Variants in DGKB observed in about 807,000 individuals in gnomAD.
DGKB encodes the protein diacylglycerol kinase beta.
Under a neutral mutation model 114.3 loss-of-function variants are expected in DGKB, and 67 were observed. That is an observed-to-expected ratio of 0.59 (90% CI 0.48 to 0.72). The LOEUF (loss-of-function observed/expected upper bound fraction) is 0.72. Ranked by LOEUF, DGKB falls within the 30% of genes least tolerant of loss-of-function variation. The pLI, the probability that DGKB is intolerant of heterozygous loss-of-function variation, is 0.00. For missense variants in DGKB, 907 were observed against 975.2 expected, an observed-to-expected ratio of 0.93 and a Z score of 0.93; for synonymous variants, 398 against 323.1, an observed-to-expected ratio of 1.23 and a Z score of -2.49.
intron 2 of DGKB, among the ~76,000 whole-genome samples, chr7:14,768,182 C>G (rs1441076880): frequency 6.6e-6 from 1 of 151,948 alleles, no homozygotes; most frequent in Non-Finnish European, 1.5e-5. Context: ...GAACAAAACT[C>G]AGGAATGTGT....
At chr7:14,291,898 A>G (rs1167464228) in intron 23 of DGKB, among the ~76,000 whole-genome samples, 3 of 152,180 alleles carry the variant, frequency 2.0e-5, no homozygotes, top group Non-Finnish European at 4.4e-5. Flanking sequence ...AAACATTGGC[A>G]TAGAGAAGCA....
At chr7:14,794,269 T>C (rs1409776628) in intron 2 of DGKB, among the ~76,000 whole-genome samples, 1 of 152,152 alleles carries the variant, frequency 6.6e-6, no homozygotes, top group Non-Finnish European at 1.5e-5. Context: ...TGATTCTGTA[T>C]TTGATAATAT....
At chr7:14,449,135 A>G (rs1374329748) in intron 21 of DGKB, among the ~76,000 whole-genome samples, 1 of 152,092 alleles carries the variant, frequency 6.6e-6, no homozygotes, top group Non-Finnish European at 1.5e-5. Context: ...CTTAATAATC[A>G]CATATTTTAA....
chr7:14,510,328 G>A lies in DGKB; in HGVS notation c.1771-32103C>T, dbSNP rs79064780. Among the ~76,000 whole-genome samples, 438 of 152,206 alleles carry A rather than the reference G, an allele frequency of 2.9e-3. 2 individuals carry two copies. The highest frequency in any genetic ancestry group is 7.8e-3 in the African/African-American group (322 of 41,520). On this transcript the variant is annotated intron_variant, in intron 20 of 25. Coordinates refer to ENST00000402815, the MANE Select transcript of DGKB (RefSeq NM_001350709.2). ...CTGCTGCTTTACCAACTAAGTTTTC[G>A]TAATAGTCTACATCCTTTGTTGGCA... is the stretch of plus-strand genomic sequence containing the variant.
At chr7:14,169,364 C>CAAAAAAAAAAAA (rs35418998) in intron 25 of DGKB, among the ~76,000 whole-genome samples, 4 of 65,288 alleles carry the variant, frequency 6.1e-5, no homozygotes, top group Non-Finnish European at 1.3e-4. Flanking sequence ...GACTCCGTCT[C>CAAAAAAAAAAAA]AAAAAAAAAA....
At chr7:14,160,016 ATTATAT>A (rs755940778) in intron 25 of DGKB, among the ~76,000 whole-genome samples, 6 of 152,140 alleles carry the variant, frequency 3.9e-5, no homozygotes, top group Non-Finnish European at 8.8e-5. Context: ...AGAGTTGTAA[ATTATAT>A]TTATGGATTT....
At chr7:14,659,339 C>A (rs1399362070) in intron 13 of DGKB, among the ~76,000 whole-genome samples, 1 of 151,980 alleles carries the variant, frequency 6.6e-6, no homozygotes, top group African/African-American at 2.4e-5. Context: ...GCAATTTTCA[C>A]GATATTGATT....
Position 14,659,425 on chromosome 7 carries a change from T to C in DGKB, c.1134+13504A>G, listed in dbSNP as rs529116694. 1.3e-3 allele frequency among the ~76,000 whole-genome samples: 204 copies of C among 151,998 alleles called. 1 individual carries two copies. The highest frequency in any genetic ancestry group is 2.2e-3 in the Non-Finnish European group (147 of 67,982). ...TATTTCCTTGAGCAGTAGTTTGTAG[T>C]TCTCCTTGAAGAGGTCCTTCACATC... On this transcript the variant is annotated intron_variant, in intron 13 of 25. Coordinates refer to ENST00000402815, the MANE Select transcript of DGKB (RefSeq NM_001350709.2).
Position 14,943,021 on chromosome 7 carries a change from T to C in DGKB, c.-188+31675A>G, listed in dbSNP as rs188843236. On this transcript the variant is annotated intron_variant, in intron 1 of 4. Transcript: ENST00000437998. ...TCTATTTCATACATACGTAGAATAA[T>C]TAAATGACCATGTTGTAATTGCTCA... 2.0e-5 allele frequency among the ~76,000 whole-genome samples: 3 copies of C among 152,098 alleles called. No individual in the cohort carries two copies. In the East Asian group the frequency reaches 5.8e-4, roughly 29 times the overall value.
intron 23 of DGKB, among the ~76,000 whole-genome samples, chr7:14,182,146 A>AAGAT (rs1173648271): frequency 6.6e-6 from 1 of 152,172 alleles, no homozygotes; most frequent in Admixed American, 6.5e-5. Context: ...ACTTTAAGAA[A>AAGAT]AGATAATACG....
chr7:14,658,229 A>T (rs1816259825), intron 13 of DGKB, among the ~76,000 whole-genome samples: 1 of 151,896 alleles, frequency 6.6e-6, no homozygotes, highest in African/African-American at 2.4e-5. Flanking sequence ...CAGTGAAGAA[A>T]AAAGAGATGC....
chr7:14,459,391 T>G (rs1311103125), intron 21 of DGKB, among the ~76,000 whole-genome samples: 2 of 152,052 alleles, frequency 1.3e-5, no homozygotes, highest in African/African-American at 2.4e-5. Context: ...AAATAACCAG[T>G]TTAGAGAAGA....
At chr7:14,196,794 G>C (rs970991810) in intron 23 of DGKB, among the ~76,000 whole-genome samples, 1 of 150,714 alleles carries the variant, frequency 6.6e-6, no homozygotes, top group Non-Finnish European at 1.5e-5. Flanking sequence ...CAAAGAGCTT[G>C]AATTAAAAAA....
chr7:14,952,181 C>A (rs2128260908), intron 1 of DGKB, among the ~76,000 whole-genome samples: 1 of 152,088 alleles, frequency 6.6e-6, no homozygotes, highest in South Asian at 2.1e-4. Flanking sequence ...ATTTAAGGAA[C>A]TACCGGGAGA....
At chr7:14,343,412 A>G (rs369146612) in intron 22 of DGKB, among the ~76,000 whole-genome samples, 2 of 151,822 alleles carry the variant, frequency 1.3e-5, no homozygotes, top group East Asian at 1.9e-4. Context: ...TCAGATCTCA[A>G]GCTCTGTGGA....
intron 16 of DGKB, among the ~76,000 whole-genome samples, chr7:14,609,511 A>C (rs923940906): frequency 2.0e-5 from 3 of 152,060 alleles, no homozygotes; most frequent in Non-Finnish European, 4.4e-5. Flanking sequence ...CTCAAATTGC[A>C]ACAAAAACAG....
intron 23 of DGKB, among the ~76,000 whole-genome samples, chr7:14,294,532 G>A (rs1351035778): frequency 2.0e-5 from 3 of 152,174 alleles, no homozygotes; most frequent in African/African-American, 7.2e-5. Flanking sequence ...TTGGAATATT[G>A]CAAACAGTAT....
chr7:14,632,309 T>C (rs774309680), intron 13 of DGKB, among the ~76,000 whole-genome samples: 5 of 151,908 alleles, frequency 3.3e-5, no homozygotes, highest in Non-Finnish European at 5.9e-5. Context: ...AAATTGTCCT[T>C]AGTCTTAGAA....
intron 13 of DGKB, among the ~76,000 whole-genome samples, chr7:14,659,391 A>C (rs1301591436): frequency 6.6e-6 from 1 of 151,944 alleles, no homozygotes; most frequent in East Asian, 1.9e-4. Context: ...ATTTGTTTGT[A>C]TCCTCTTTTA....
Sources: gnomAD v4.1 joint callset for allele counts (sites outside exome capture counted in the v4.1 genomes callset) on GRCh38, gnomAD v4.1.1 for gene constraint, MANE v1.5 for transcripts, NCBI Gene and HGNC (gene_info 2026-07-23, HGNC 2026-07-21) for gene names.